The following PRDM2 variants were observed in gnomAD, a reference collection of about 807,000 sequenced individuals.
PRDM2 encodes the protein PR/SET domain 2.
Under a neutral mutation model 130.0 loss-of-function variants are expected in PRDM2, and 30 were observed. That is an observed-to-expected ratio of 0.23 (90% CI 0.17 to 0.31). The LOEUF (loss-of-function observed/expected upper bound fraction) is 0.31. Ranked by LOEUF, PRDM2 falls within the 10% of genes least tolerant of loss-of-function variation. The probability of loss-of-function intolerance (pLI) is 1.00; values close to 1 mark genes in which losing one functional copy is unlikely to be tolerated. For missense variants in PRDM2, 2,011 were observed against 2,108.4 expected (o/e 0.95, Z 0.90); for synonymous variants, 871 against 782.4 (o/e 1.11, Z -1.89).
Position 13,782,251 on chromosome 1 carries a change from C to T in PRDM2, c.4456C>T (p.Pro1486Ser). Residue 1486 changes from proline to serine, a missense_variant, in exon 8 of 10, where the codon CCC becomes TCC. By Grantham distance (74) the Pro-to-Ser change is moderately conservative (BLOSUM62 -1). Transcript: ENST00000311066. ...CTGTCCCAAAAAACCCCTTTCTCCT[C>T]CCAAAAAAAAAGTTTCTCATTCATC... is the stretch of plus-strand genomic sequence containing the variant. ...FSCPKKPLSP[P>S]KKKVSHSSKK... The T allele has an allele frequency of 6.2e-7, 1 of 1,613,044 alleles. No homozygotes were observed. The highest frequency in any genetic ancestry group is 8.5e-7 in the Non-Finnish European group (1 of 1,179,812).
rs374571797 is a variant in PRDM2, at chr1:13,779,719, G to A, written c.1924G>A (p.Ala642Thr). The A allele has an allele frequency of 6.2e-6, 10 of 1,613,938 alleles. No individual in the cohort carries two copies. Among genetic ancestry groups the A allele is most frequent in the Non-Finnish European group, 8.5e-6 (10 of 1,180,022 alleles). Residue 642 changes from alanine (A) to threonine (T), a missense_variant, in exon 8 of 10, where the codon GCG (alanine) becomes ACG (threonine). Physicochemically the swap from Ala to Thr is moderately conservative, Grantham distance 58. Transcript: ENST00000311066. This position sits in a 1 kb window ranked among gnomAD's most constrained non-coding sequence, Gnocchi z 4.9. ...TNSEAKKRRT[A>T]SPPALPKIKA... is the part of the protein sequence containing the mutation. Reference sequence around the variant, plus strand: ...TAGTGAGGCCAAGAAGCGGAGAACTGCGAGCCCACCTGCACTGCCCAAAAT... The same window carrying A: ...TAGTGAGGCCAAGAAGCGGAGAACTACGAGCCCACCTGCACTGCCCAAAAT...
At chr1:13,737,789 C>T (rs914754600) in intron 4 of PRDM2, among the ~76,000 whole-genome samples, 3 of 152,032 alleles carry the variant, frequency 2.0e-5, no homozygotes, top group Non-Finnish European at 2.9e-5. Flanking sequence ...AAAAAAAACT[C>T]TCTTTGGGAG....
At chr1:13,792,832 C>T (rs1027491731) in intron 8 of PRDM2, among the ~76,000 whole-genome samples, 1 of 152,208 alleles carries the variant, frequency 6.6e-6, no homozygotes, top group South Asian at 2.1e-4. Flanking sequence ...TTTGAGCTCT[C>T]CCACATCTGA....
intron 1 of PRDM2, among the ~76,000 whole-genome samples, chr1:13,706,379 A>G (rs1642211620): frequency 6.6e-6 from 1 of 152,136 alleles, no homozygotes; most frequent in Non-Finnish European, 1.5e-5. Context: ...TTCTTAGTCC[A>G]TCCCAGGTGC....
rs1243120617 is a variant in PRDM2 at position 13,771,929 on chromosome 1, C to T, written c.512-1149C>T. The T allele has an allele frequency of 6.6e-6, 1 of 152,124 alleles. No homozygotes were observed. Among genetic ancestry groups the T allele is most frequent in the Admixed American group, 6.6e-5 (1 of 15,264 alleles). The allele number at this position is 152,124 out of a possible 1,614,324, so 9.4% of individuals were successfully genotyped here. On this transcript the variant is annotated intron_variant, in intron 6 of 9. Coordinates refer to ENST00000311066, the MANE Select transcript of PRDM2 (RefSeq NM_001393986.1). The surrounding 1 kb of genome is among the most constrained non-coding windows in gnomAD (Gnocchi z 4.1). Reference sequence around the variant, plus strand: ...TGTTTTCAATGATGCTATTTTATGTCTCTGACCTCATTTTTGTCTGTTTAC... The same window carrying T: ...TGTTTTCAATGATGCTATTTTATGTTTCTGACCTCATTTTTGTCTGTTTAC...
At chr1:13,753,319 G>A (rs1643881070) in intron 6 of PRDM2, among the ~76,000 whole-genome samples, 1 of 152,210 alleles carries the variant, frequency 6.6e-6, no homozygotes, top group Non-Finnish European at 1.5e-5. Flanking sequence ...CAGTTAGTAG[G>A]TTCAGATAGT....
intron 6 of PRDM2, among the ~76,000 whole-genome samples, chr1:13,750,890 G>A (rs1189303919): frequency 1.3e-5 from 2 of 151,468 alleles, no homozygotes; most frequent in African/African-American, 2.4e-5. Flanking sequence ...TCTTTATTTA[G>A]TATTCATTTT....
chr1:13,778,222 C>G lies in PRDM2; in HGVS notation c.623-196C>G, dbSNP rs532434915. Among the ~76,000 whole-genome samples, 11 of 152,282 alleles carry G rather than the reference C, an allele frequency of 7.2e-5. No individual in the cohort carries two copies. In the South Asian group the frequency reaches 2.3e-3, roughly 32 times the overall value. On this transcript the variant is annotated intron_variant, in intron 7 of 9. Coordinates refer to ENST00000311066, the MANE Select transcript of PRDM2 (RefSeq NM_001393986.1). The stretch of plus-strand genomic sequence containing the variant: ...TGGTACGTGGCTGGTACCCTAAATA[C>G]TTGTTGAATGAAGTGGATTCATATC...
intron 9 of PRDM2, among the ~76,000 whole-genome samples, chr1:13,819,960 A>G (rs1330701079): frequency 6.6e-6 from 1 of 152,246 alleles, no homozygotes; most frequent in Non-Finnish European, 1.5e-5. Flanking sequence ...GACACAGTTC[A>G]GTCCATAGCA....
At chr1:13,789,616 G>A (rs754098395) in intron 8 of PRDM2, among the ~76,000 whole-genome samples, 39 of 152,162 alleles carry the variant, frequency 2.6e-4, no homozygotes, top group Non-Finnish European at 4.4e-4. Context: ...AGCTTAAAAT[G>A]ACTCTACTAA....
At chr1:13,754,632 G>A (rs760699579) in intron 6 of PRDM2, among the ~76,000 whole-genome samples, 4 of 152,242 alleles carry the variant, frequency 2.6e-5, no homozygotes, top group Admixed American at 6.5e-5. Flanking sequence ...ACGGGCTTCC[G>A]TGGAGTTTGA....
chr1:13,778,626 T>A lies in PRDM2; in HGVS notation c.831T>A (p.Asp277Glu), dbSNP rs199679022. 43 of 1,611,548 alleles carry A rather than the reference T, an allele frequency of 2.7e-5. No individual in the cohort carries two copies. The highest frequency in any genetic ancestry group is 3.5e-5 in the Non-Finnish European group (41 of 1,178,344). ...AGGAGGAGGAGGAAGAGGAGGAGGATGAAGAAGAAGAAGAAGATGATGATG... is the reference window on the plus strand; with the variant it reads ...AGGAGGAGGAGGAAGAGGAGGAGGAAGAAGAAGAAGAAGAAGATGATGATG... ...GEEEEEEEEE[D>E]EEEEEDDDDD... Residue 277 changes from aspartate to glutamate, a missense_variant, in exon 8 of 10, where the codon GAT (aspartate) becomes GAA (glutamate). Transcript: ENST00000311066.
At chr1:13,713,519 G>A (rs78451038) in intron 1 of PRDM2, among the ~76,000 whole-genome samples, 2,744 of 152,338 alleles carry the variant, frequency 0.018, 64 homozygotes, top group South Asian at 0.12. Flanking sequence ...ATAAATGATA[G>A]TGATGATGAT....
In PRDM2 at chr1:13,701,632, C is replaced by A. The variant is rs185370656; in HGVS notation, c.-66+1332C>A. ...TTGGCCAAATTTTTACATGTAGAAT[C>A]TTAGTTTAGCCTTGAGATGACCTTT... On this transcript the variant is annotated intron_variant, in intron 1 of 9. Transcript: ENST00000311066. 8.0e-4 allele frequency among the ~76,000 whole-genome samples: 122 copies of A among 152,250 alleles called. 1 individual carries two copies. The highest frequency in any genetic ancestry group is 6.2e-4 in the South Asian group (3 of 4,828).
At chr1:13,818,520 A>G (rs1570134898) in intron 9 of PRDM2, among the ~76,000 whole-genome samples, 2 of 146,148 alleles carry the variant, frequency 1.4e-5, no homozygotes, top group Admixed American at 1.4e-4. Flanking sequence ...CTGGGACTAC[A>G]GGCACCCGCC....
intron 1 of PRDM2, among the ~76,000 whole-genome samples, chr1:13,708,974 C>T (rs540518628): frequency 5.7e-4 from 87 of 152,200 alleles, no homozygotes; most frequent in Non-Finnish European, 9.9e-4. Flanking sequence ...AAGGTTGGGG[C>T]TGTATTTTTT....
chr1:13,747,885 A>G (rs1643662856), intron 5 of PRDM2, among the ~76,000 whole-genome samples: 1 of 152,142 alleles, frequency 6.6e-6, no homozygotes, highest in South Asian at 2.1e-4. Flanking sequence ...ACTAGCTAAT[A>G]TGTACACCTT....
At position 13,806,558 on chromosome 1, in the gene PRDM2, C is replaced by T. The variant is rs1020210850; in HGVS notation, c.5037-9869C>T. On this transcript the variant is annotated intron_variant, in intron 8 of 9. Coordinates refer to ENST00000311066, the MANE Select transcript of PRDM2 (RefSeq NM_001393986.1). The surrounding 1 kb of genome is among the most constrained non-coding windows in gnomAD (Gnocchi z 4.1). ...TGGAGTCCAGCTACCAGCTAGACTC[C>T]AACCTCTTCCTCCATCCCCACATCC... Among the ~76,000 whole-genome samples, 11 of 152,140 alleles carry T rather than the reference C, an allele frequency of 7.2e-5. No homozygotes were observed. The highest frequency in any genetic ancestry group is 2.7e-4 in the African/African-American group (11 of 41,418).
chr1:13,760,681 C>T (rs961190769), intron 6 of PRDM2, among the ~76,000 whole-genome samples: 1 of 152,134 alleles, frequency 6.6e-6, no homozygotes, highest in African/African-American at 2.4e-5. Context: ...ATTTTTCTGT[C>T]TATAAAATGG....
Sources: allele counts gnomAD v4.1 joint callset (sites outside exome capture counted in the v4.1 genomes callset), GRCh38; gene constraint gnomAD v4.1.1; non-coding constraint Gnocchi (gnomAD v3.1); transcripts MANE v1.5; gene names NCBI Gene and HGNC (gene_info 2026-07-23, HGNC 2026-07-21).